Variants in OSBPL6 observed in about 807,000 individuals in gnomAD.
The protein encoded by OSBPL6 is oxysterol binding protein like 6.
In OSBPL6, 49 loss-of-function variants were observed where a neutral mutation model predicts 125.8. The observed-to-expected ratio is 0.39, with a 90% CI of 0.31 to 0.49. OSBPL6 has a LOEUF of 0.49. Ranked by LOEUF, OSBPL6 falls within the 20% of genes least tolerant of loss-of-function variation. The probability of loss-of-function intolerance (pLI) is 0.88; values close to 1 mark genes in which losing one functional copy is unlikely to be tolerated. For missense variants in OSBPL6, 986 were observed against 1,135.4 expected (o/e 0.87, Z 1.89); for synonymous variants, 394 against 391.8 (o/e 1.01, Z -0.07).
At chr2:178,306,361 A>G in intron 3 of OSBPL6, 75 bp downstream of exon 3, 4 of 903,228 alleles carry the variant, frequency 4.4e-6, no homozygotes, top group Non-Finnish European at 7.2e-6. Context: ...GGGGTTGCTA[A>G]TTAATTCTGA....
chr2:178,271,725 A>G (rs1320515401), intron 1 of OSBPL6, among the ~76,000 whole-genome samples: 2 of 152,198 alleles, frequency 1.3e-5, no homozygotes, highest in South Asian at 2.1e-4. Context: ...AATATACATA[A>G]TAGTTATTTT....
At chr2:178,303,187 C>G (rs1574811136) in intron 2 of OSBPL6, among the ~76,000 whole-genome samples, 1 of 152,322 alleles carries the variant, frequency 6.6e-6, no homozygotes, top group East Asian at 1.9e-4. Context: ...GAAACTATCT[C>G]TAGCTCACAG....
chr2:178,221,010 G>A lies in OSBPL6; in HGVS notation c.-351+26336G>A, dbSNP rs545427017. On this transcript the variant is annotated intron_variant, in intron 1 of 24. Coordinates refer to ENST00000190611, the MANE Select transcript of OSBPL6 (RefSeq NM_032523.4). Reference sequence around the variant, plus strand: ...TAAGCCAGGATCTGCCCAGAGTGCCGTCTTTATGGTGGGTTTAGCTCAGAG... The same window carrying A: ...TAAGCCAGGATCTGCCCAGAGTGCCATCTTTATGGTGGGTTTAGCTCAGAG... Among the ~76,000 whole-genome samples, 115 of 152,284 alleles carry A rather than the reference G, an allele frequency of 7.6e-4. 1 individual carries two copies. The highest frequency in any genetic ancestry group is 1.2e-3 in the Non-Finnish European group (84 of 68,028).
At chr2:178,285,365 T>C (rs1684599857) in intron 2 of OSBPL6, among the ~76,000 whole-genome samples, 1 of 152,200 alleles carries the variant, frequency 6.6e-6, no homozygotes, top group African/African-American at 2.4e-5. Flanking sequence ...TTTCTGTATG[T>C]AGTCTGGCAT....
At chr2:178,347,105 A>G (rs1358891924) in intron 11 of OSBPL6, among the ~76,000 whole-genome samples, 65 of 151,460 alleles carry the variant, frequency 4.3e-4, no homozygotes, top group Admixed American at 4.3e-3. Flanking sequence ...CCAACATTTA[A>G]TAGAGAAATA....
chr2:178,243,693 G>A (rs1369201165), intron 1 of OSBPL6, among the ~76,000 whole-genome samples: 11 of 152,118 alleles, frequency 7.2e-5, no homozygotes, highest in Middle Eastern at 3.4e-3. Context: ...TTGCTCTGTC[G>A]CCCAGGCTGG....
intron 11 of OSBPL6, among the ~76,000 whole-genome samples, chr2:178,346,201 A>G (rs1190773233): frequency 1.3e-5 from 2 of 152,202 alleles, no homozygotes; most frequent in African/African-American, 2.4e-5. Flanking sequence ...CAGACCCAAC[A>G]GAACAGGAGA....
At chr2:178,394,984 C>T (rs1332134747) in intron 24 of OSBPL6, among the ~76,000 whole-genome samples, 6 of 152,164 alleles carry the variant, frequency 3.9e-5, no homozygotes, top group Non-Finnish European at 8.8e-5. Context: ...CTCCTTTAGA[C>T]TTGTCCTGTC....
chr2:178,317,992 A>G (rs1016140736), intron 3 of OSBPL6, among the ~76,000 whole-genome samples: 3 of 152,218 alleles, frequency 2.0e-5, no homozygotes, highest in Non-Finnish European at 2.9e-5. Context: ...ATGTGCTTAT[A>G]CTCTGGTTGC....
chr2:178,287,160 A>C (rs1574754326), intron 2 of OSBPL6, among the ~76,000 whole-genome samples: 1 of 151,834 alleles, frequency 6.6e-6, no homozygotes, highest in African/African-American at 2.4e-5. Flanking sequence ...AAAAAAAAAA[A>C]AAAAAAAAAC....
At chr2:178,200,645 G>A (rs1475069560) in intron 1 of OSBPL6, among the ~76,000 whole-genome samples, 1 of 152,074 alleles carries the variant, frequency 6.6e-6, no homozygotes, top group Non-Finnish European at 1.5e-5. Flanking sequence ...TAAGAAATTA[G>A]TAATATATTT....
chr2:178,195,997 TC>T (rs1031636338), intron 1 of OSBPL6, among the ~76,000 whole-genome samples: 1 of 151,900 alleles, frequency 6.6e-6, no homozygotes, highest in African/African-American at 2.4e-5. Flanking sequence ...CTTTCATCCT[TC>T]CCCCCGCCCC....
chr2:178,206,874 CA>C (rs1374951714), intron 1 of OSBPL6, among the ~76,000 whole-genome samples: 1 of 152,162 alleles, frequency 6.6e-6, no homozygotes, highest in Non-Finnish European at 1.5e-5. Flanking sequence ...CTCAGCCTCC[CA>C]AAGTGCTGGG....
chr2:178,349,115 T>C, intron 11 of OSBPL6, 109 bp from the exon 12 acceptor site: 1 of 1,168,544 alleles, frequency 8.6e-7, no homozygotes, highest in Non-Finnish European at 1.3e-6. Context: ...CCAAGTGTGT[T>C]ATCAGAGAGG....
intron 12 of OSBPL6, among the ~76,000 whole-genome samples, chr2:178,359,656 T>C (rs929387717): frequency 6.6e-5 from 10 of 152,198 alleles, no homozygotes; most frequent in South Asian, 2.1e-4. Flanking sequence ...ACCACCCAGG[T>C]ATCTGTCAGT....
chr2:178,348,742 G>GT (rs1202608901), intron 11 of OSBPL6, among the ~76,000 whole-genome samples: 9 of 152,106 alleles, frequency 5.9e-5, no homozygotes, highest in African/African-American at 2.2e-4. Context: ...TTCCTGTTAA[G>GT]CCTGATTTGT....
intron 1 of OSBPL6, among the ~76,000 whole-genome samples, chr2:178,225,224 T>C (rs2090504915): frequency 6.7e-6 from 1 of 149,132 alleles, no homozygotes; most frequent in Non-Finnish European, 1.5e-5. Flanking sequence ...GAACCCTTGG[T>C]CAGGTGCCCA....
intron 2 of OSBPL6, among the ~76,000 whole-genome samples, chr2:178,290,853 GA>G (rs927226424): frequency 1.4e-4 from 21 of 146,634 alleles, no homozygotes; most frequent in African/African-American, 3.0e-4. Flanking sequence ...TGTCCAAAAA[GA>G]AAAAAAAAAT....
intron 13 of OSBPL6, 127 bp downstream of exon 13, chr2:178,361,942 C>T (rs1173883118): frequency 1.8e-6 from 2 of 1,116,836 alleles, no homozygotes; most frequent in South Asian, 1.9e-5. Context: ...CAGAATTTCC[C>T]CCAAAAGACT....
Sources: allele counts gnomAD v4.1 joint callset (sites outside exome capture counted in the v4.1 genomes callset), GRCh38; gene constraint gnomAD v4.1.1; transcripts MANE v1.5; gene names NCBI Gene and HGNC (gene_info 2026-07-23, HGNC 2026-07-21).